CDC25A: variants seen among roughly 807,000 people sequenced by gnomAD.
The protein encoded by CDC25A is M-phase inducer phosphatase 1.
In CDC25A, 17 loss-of-function variants were observed where a neutral mutation model predicts 64.6. The observed-to-expected ratio is 0.26, with a 90% CI of 0.18 to 0.39. The LOEUF is 0.39. Among genes scored for constraint, CDC25A ranks in the 10% least tolerant of loss-of-function variants. The pLI, the probability that CDC25A is intolerant of heterozygous loss-of-function variation, is 1.00. For synonymous variants in CDC25A, 229 were observed against 238.6 expected, an observed-to-expected ratio of 0.96 and a Z score of 0.37; for missense variants, 473 against 654.8, an observed-to-expected ratio of 0.72 and a Z score of 3.03.
At chr3:48,182,108 G>A (rs2032691844) in intron 5 of CDC25A, among the ~76,000 whole-genome samples, 3 of 152,152 alleles carry the variant, frequency 2.0e-5, no homozygotes, top group African/African-American at 7.2e-5. Context: ...CTGGTAAAAA[G>A]CACTAGAGGC....
At chr3:48,165,398 T>G (rs2031964707) in intron 12 of CDC25A, among the ~76,000 whole-genome samples, 1 of 142,094 alleles carries the variant, frequency 7.0e-6, no homozygotes, top group Admixed American at 7.5e-5. Context: ...TCCTTGATAA[T>G]GATGGTGTGA....
chr3:48,165,960 T>G, intron 10 of CDC25A, 67 bp from the exon 11 acceptor site: 1 of 1,110,820 alleles, frequency 9.0e-7, no homozygotes. Flanking sequence ...TATACTGTTT[T>G]GTCTGGCTGG....
At chr3:48,168,620 CT>C (rs35535424) in intron 9 of CDC25A, among the ~76,000 whole-genome samples, 29,492 of 135,442 alleles carry the variant, frequency 0.22, 3,700 homozygotes, top group Non-Finnish European at 0.3. Flanking sequence ...TATGTCTTAA[CT>C]TTTTTTTTTT....
At chr3:48,176,827 T>C (rs2106738142) in intron 8 of CDC25A, among the ~76,000 whole-genome samples, 1 of 151,192 alleles carries the variant, frequency 6.6e-6, no homozygotes, top group Admixed American at 6.6e-5. Flanking sequence ...AAAGATTAGC[T>C]GGGTGTGGTG....
At chr3:48,176,556 TATAA>T (rs1404555613) in intron 8 of CDC25A, among the ~76,000 whole-genome samples, 2 of 132,488 alleles carry the variant, frequency 1.5e-5, no homozygotes, top group Non-Finnish European at 3.3e-5. Context: ...TATATATATA[TATAA>T]AATATATATT....
intron 6 of CDC25A, among the ~76,000 whole-genome samples, chr3:48,179,632 G>A (rs749006986): frequency 1.1e-4 from 17 of 152,122 alleles, no homozygotes; most frequent in Non-Finnish European, 2.4e-4. Context: ...CTCCCAAAGT[G>A]CTGGGATTAC....
intron 13 of CDC25A, among the ~76,000 whole-genome samples, chr3:48,160,413 T>C (rs1249485251): frequency 1.3e-5 from 1 of 77,372 alleles, no homozygotes; most frequent in Non-Finnish European, 3.1e-5. Context: ...CCAGTCACCT[T>C]TTTTTTTTTT....
rs2032503889 is a variant in CDC25A at position 48,177,411 on chromosome 3, C to T, written c.716G>A (p.Ser239Asn). The change falls in exon 8 of 15, where the codon AGC becomes AAC. Residue 239 changes from serine (S) to asparagine (N), a missense_variant. Ser to Asn is a conservative substitution (Grantham distance 46). Transcript: ENST00000302506. ...CATGACGAGAGGAGCTGTCCAGAGG[C>T]TTGCCATGCACGAGGGGGTCTCCTC... ...NEEETPSCMA[S>N]LWTAPLVMRT... The T allele has an allele frequency of 1.2e-6, 2 of 1,614,062 alleles. No individual in the cohort carries two copies. The highest frequency in any genetic ancestry group is 8.5e-7 in the Non-Finnish European group (1 of 1,179,930).
intron 9 of CDC25A, among the ~76,000 whole-genome samples, chr3:48,170,362 A>C (rs368277984): frequency 7.9e-5 from 12 of 152,206 alleles, no homozygotes; most frequent in African/African-American, 2.9e-4. Context: ...ACCAGCTTTA[A>C]GTAGGGGTTC....
chr3:48,181,684 T>C (rs1178427941), intron 5 of CDC25A: 4 of 973,908 alleles, frequency 4.1e-6, no homozygotes, highest in Admixed American at 3.4e-5. Flanking sequence ...GCATGTTATT[T>C]AAAAGGGTAT....
chr3:48,180,717 A>G lies in CDC25A; in HGVS notation c.549+4T>C. On this transcript the variant is annotated splice_donor_region_variant and intron_variant, in intron 6 of 14. Coordinates refer to ENST00000302506, the MANE Select transcript of CDC25A (RefSeq NM_001789.3). ...AATTCCCCTATGAAAGCCAGAGCACATACCATCCGAGCTGGGGCAGAGTTC... is the reference window on the plus strand; with the variant it reads ...AATTCCCCTATGAAAGCCAGAGCACGTACCATCCGAGCTGGGGCAGAGTTC... The G allele has an allele frequency of 6.2e-7, 1 of 1,614,036 alleles. No individual in the cohort carries two copies. The highest frequency in any genetic ancestry group is 8.5e-7 in the Non-Finnish European group (1 of 1,179,932).
At chr3:48,183,161 C>T (rs1446218759) in intron 4 of CDC25A, 131 bp from the exon 5 acceptor site, 1 of 624,546 alleles carries the variant, frequency 1.6e-6, no homozygotes, top group Non-Finnish European at 2.9e-6. Flanking sequence ...CAGTAGGTAA[C>T]CAGTAAATGT....
intron 2 of CDC25A, 146 bp downstream of exon 2, chr3:48,186,557 G>A (rs948406418): frequency 1.9e-5 from 10 of 520,878 alleles, no homozygotes; most frequent in African/African-American, 4.1e-5. Context: ...CGACAAGAGC[G>A]AAACTCTGTC....
At chr3:48,186,344 G>A (rs992700878) in intron 2 of CDC25A, among the ~76,000 whole-genome samples, 1 of 152,132 alleles carries the variant, frequency 6.6e-6, no homozygotes, top group Non-Finnish European at 1.5e-5. Flanking sequence ...CGAGGAAGGC[G>A]GATCACCTGA....
intron 9 of CDC25A, 78 bp from the exon 10 acceptor site, chr3:48,168,022 C>T (rs915910408): frequency 4.8e-6 from 4 of 829,394 alleles, no homozygotes; most frequent in Non-Finnish European, 6.2e-6. Context: ...GAGCATGTCT[C>T]GAGGAGACTA....
chr3:48,187,862 G>T lies in CDC25A; in HGVS notation c.86C>A (p.Ala29Glu). 2.6e-6 allele frequency: 4 copies of T among 1,548,558 alleles called. No individual in the cohort carries two copies. Among genetic ancestry groups the T allele is most frequent in the Non-Finnish European group, 3.5e-6 (4 of 1,146,036 alleles). Residue 29 changes from alanine to glutamate, a missense_variant, in exon 1 of 15, where the codon GCG (alanine) becomes GAG (glutamate). This residue lies in a region of CDC25A where 376 missense variants were observed against 431.9 expected (regional missense o/e 0.87). Coordinates refer to ENST00000302506, the MANE Select transcript of CDC25A (RefSeq NM_001789.3). ...CCCGGCGGCTGAAGCGCCAAATAGC[G>T]CCTTCACGACGGGCTGCGACGCGGG... ...PPPASQPVVK[A>E]LFGASAAGGL... is the part of the protein sequence containing the mutation.
At chr3:48,173,209 C>CAA (rs35936117) in intron 9 of CDC25A, among the ~76,000 whole-genome samples, 112 of 54,414 alleles carry the variant, frequency 2.1e-3, no homozygotes, top group African/African-American at 3.8e-3. Flanking sequence ...CAGAGCGTCT[C>CAA]AAAAAAAAAA....
chr3:48,183,422 T>C (rs1293613175), intron 4 of CDC25A, among the ~76,000 whole-genome samples: 1 of 152,176 alleles, frequency 6.6e-6, no homozygotes, highest in African/African-American at 2.4e-5. Flanking sequence ...AGGCTGGGAA[T>C]AGTGGCTCTT....
At chr3:48,180,924 C>T in intron 5 of CDC25A, 84 bp from the exon 6 acceptor site, 1 of 1,319,204 alleles carries the variant, frequency 7.6e-7, no homozygotes, top group Middle Eastern at 2.5e-4. Context: ...AAAGTGGGCA[C>T]TGATCACCTT....
Sources: allele counts gnomAD v4.1 joint callset (sites outside exome capture counted in the v4.1 genomes callset), GRCh38; gene constraint gnomAD v4.1.1; regional missense constraint gnomAD v4.1.1; transcripts MANE v1.5; gene names NCBI Gene and HGNC (gene_info 2026-07-23, HGNC 2026-07-21).